The following CFDP1 variants were observed in gnomAD, a reference collection of about 807,000 sequenced individuals.
CFDP1 encodes chromatin remodeling protein CFDP1.
Under a neutral mutation model 40.1 loss-of-function variants are expected in CFDP1, and 31 were observed. The observed-to-expected ratio is 0.77, with a 90% CI of 0.58 to 1.04. CFDP1 has a LOEUF of 1.04. Among genes scored for constraint, CFDP1 ranks in the 50% least tolerant of loss-of-function variants. The probability of loss-of-function intolerance (pLI) is 0.00; values close to 1 mark genes in which losing one functional copy is unlikely to be tolerated. For synonymous variants in CFDP1, 167 were observed against 120.0 expected (o/e 1.39, Z -2.56); for missense variants, 423 against 343.4 (o/e 1.23, Z -1.83).
chr16:75,385,346 T>A (rs372226572), intron 5 of CFDP1, among the ~76,000 whole-genome samples: 1 of 152,064 alleles, frequency 6.6e-6, no homozygotes, highest in Non-Finnish European at 1.5e-5. Context: ...CAATTAACAA[T>A]TGGAAAGGCA....
At chr16:75,390,294 T>G (rs1364978439) in intron 5 of CFDP1, among the ~76,000 whole-genome samples, 1 of 152,244 alleles carries the variant, frequency 6.6e-6, no homozygotes, top group African/African-American at 2.4e-5. Flanking sequence ...TTAGTCAGAC[T>G]CCACTGAGCC....
intron 2 of CFDP1, 90 bp from the exon 3 acceptor site, chr16:75,412,844 C>T: frequency 1.0e-6 from 1 of 999,350 alleles, no homozygotes. Context: ...TCTTATAAAC[C>T]CAAGAACACT....
At chr16:75,429,449 T>A (rs1343344430) in intron 1 of CFDP1, among the ~76,000 whole-genome samples, 1 of 151,332 alleles carries the variant, frequency 6.6e-6, no homozygotes, top group East Asian at 1.9e-4. Context: ...AGGTCAGGAG[T>A]TCAATATCAG....
intron 6 of CFDP1, among the ~76,000 whole-genome samples, chr16:75,304,069 T>TCG (rs1182455370): frequency 6.6e-6 from 1 of 151,986 alleles, no homozygotes; most frequent in African/African-American, 2.4e-5. Flanking sequence ...TTTCTCTCTC[T>TCG]CTCTCTCTTT....
intron 5 of CFDP1, among the ~76,000 whole-genome samples, chr16:75,394,527 G>A (rs1269019927): frequency 6.6e-6 from 1 of 152,068 alleles, no homozygotes; most frequent in African/African-American, 2.4e-5. Context: ...TCTGCAGAAG[G>A]CTGATATTTT....
chr16:75,382,250 AT>A (rs768385822), intron 5 of CFDP1, among the ~76,000 whole-genome samples: 1 of 152,176 alleles, frequency 6.6e-6, no homozygotes, highest in Non-Finnish European at 1.5e-5. Context: ...CTGCCAACTA[AT>A]TTCCTGAGTG....
At chr16:75,311,429 A>G (rs1291112794) in intron 5 of CFDP1, among the ~76,000 whole-genome samples, 1 of 152,156 alleles carries the variant, frequency 6.6e-6, no homozygotes, top group Admixed American at 6.5e-5. Flanking sequence ...GTGAGCCACT[A>G]TGCCCAATCT....
At chr16:75,328,477 A>T (rs2078420074) in intron 5 of CFDP1, among the ~76,000 whole-genome samples, 1 of 148,968 alleles carries the variant, frequency 6.7e-6, no homozygotes, top group Admixed American at 6.6e-5. Context: ...AGGCGCCTGT[A>T]ATCCCAGCTA....
chr16:75,421,483 T>C (rs2079279839), intron 1 of CFDP1, among the ~76,000 whole-genome samples: 1 of 152,168 alleles, frequency 6.6e-6, no homozygotes, highest in Non-Finnish European at 1.5e-5. Flanking sequence ...AGAATCAGAA[T>C]AACATCCCTG....
intron 5 of CFDP1, among the ~76,000 whole-genome samples, chr16:75,319,771 C>G (rs991777764): frequency 6.6e-5 from 10 of 152,250 alleles, no homozygotes; most frequent in African/African-American, 2.4e-4. Context: ...CCCTCACAAC[C>G]CAGGATTTAA....
At chr16:75,422,478 C>T (rs191036967) in intron 1 of CFDP1, among the ~76,000 whole-genome samples, 14 of 148,464 alleles carry the variant, frequency 9.4e-5, no homozygotes, top group Admixed American at 8.1e-4. Flanking sequence ...TGGCTCACTA[C>T]GATCCTCCCG....
chr16:75,406,988 T>G (rs2079105953), intron 4 of CFDP1, among the ~76,000 whole-genome samples: 1 of 152,150 alleles, frequency 6.6e-6, no homozygotes, highest in Non-Finnish European at 1.5e-5. Context: ...GCCACTGTAC[T>G]CCAGCTTGGG....
intron 5 of CFDP1, among the ~76,000 whole-genome samples, chr16:75,370,005 C>T (rs1193482616): frequency 2.0e-5 from 3 of 152,052 alleles, no homozygotes; most frequent in Non-Finnish European, 4.4e-5. Flanking sequence ...AACTCCTTAC[C>T]TCAAGTGATC....
intron 5 of CFDP1, among the ~76,000 whole-genome samples, chr16:75,338,296 C>T (rs1174376951): frequency 6.6e-6 from 1 of 152,096 alleles, no homozygotes; most frequent in Non-Finnish European, 1.5e-5. Flanking sequence ...TTCCAGGGGA[C>T]CACTGGGCCA....
chr16:75,420,306 T>A (rs1262436873), intron 1 of CFDP1, among the ~76,000 whole-genome samples: 1 of 152,184 alleles, frequency 6.6e-6, no homozygotes, highest in African/African-American at 2.4e-5. Context: ...TGTCTTCTGA[T>A]GCTATTCAAA....
At chr16:75,310,164 A>G (rs1032005628) in intron 5 of CFDP1, among the ~76,000 whole-genome samples, 1 of 152,332 alleles carries the variant, frequency 6.6e-6, no homozygotes, top group African/African-American at 2.4e-5. Context: ...TTACTACCAT[A>G]AATTTGATGT....
At chr16:75,390,590 C>T (rs1453953584) in intron 5 of CFDP1, among the ~76,000 whole-genome samples, 3 of 152,228 alleles carry the variant, frequency 2.0e-5, no homozygotes, top group Non-Finnish European at 4.4e-5. Flanking sequence ...TTGAGACCCA[C>T]TGCAATAGTT....
At chr16:75,371,145 T>A (rs2078748369) in intron 5 of CFDP1, among the ~76,000 whole-genome samples, 1 of 152,206 alleles carries the variant, frequency 6.6e-6, no homozygotes, top group African/African-American at 2.4e-5. Flanking sequence ...AATAAGCCAA[T>A]TCTTTGTTTC....
intron 5 of CFDP1, among the ~76,000 whole-genome samples, chr16:75,327,133 G>A (rs1436486455): frequency 1.3e-5 from 2 of 152,292 alleles, no homozygotes; most frequent in East Asian, 1.9e-4. Context: ...TGGGCGTGGT[G>A]GCGGACGCCT....
Sources: allele counts gnomAD v4.1 joint callset (sites outside exome capture counted in the v4.1 genomes callset), GRCh38; gene constraint gnomAD v4.1.1; transcripts MANE v1.5; gene names NCBI Gene and HGNC (gene_info 2026-07-23, HGNC 2026-07-21).